SPOCK3: variants seen among roughly 807,000 people sequenced by gnomAD.
SPOCK3 encodes SPARC (osteonectin), cwcv and kazal like domains proteoglycan 3, also known as testican-3.
A neutral mutation model predicts 56.6 loss-of-function variants in SPOCK3; 30 were observed. The ratio of observed to expected loss-of-function variants is 0.53; its 90% CI spans 0.40 to 0.72. The LOEUF is 0.72. Ranked by LOEUF, SPOCK3 falls within the 30% of genes least tolerant of loss-of-function variation. SPOCK3 has a pLI of 0.00. For synonymous variants in SPOCK3, 196 were observed against 183.3 expected, an observed-to-expected ratio of 1.07 and a Z score of -0.56; for missense variants, 527 against 530.0, an observed-to-expected ratio of 0.99 and a Z score of 0.06.
chr4:166,814,719 G>A (rs916824775), intron 6 of SPOCK3, among the ~76,000 whole-genome samples: 12 of 152,062 alleles, frequency 7.9e-5, no homozygotes, highest in African/African-American at 2.9e-4. Flanking sequence ...GGTGGACTGA[G>A]CCACTACTGG....
intron 5 of SPOCK3, among the ~76,000 whole-genome samples, chr4:166,905,078 A>C (rs1471505468): frequency 6.6e-6 from 1 of 152,010 alleles, no homozygotes; most frequent in Non-Finnish European, 1.5e-5. Context: ...AGACATTATA[A>C]AAAAAGTCTT....
intron 2 of SPOCK3, among the ~76,000 whole-genome samples, chr4:167,159,466 G>A (rs941984931): frequency 1.1e-4 from 17 of 152,062 alleles, no homozygotes; most frequent in African/African-American, 2.9e-4. Context: ...AAGACACAGA[G>A]AGGACCTGGT....
intron 2 of SPOCK3, among the ~76,000 whole-genome samples, chr4:167,210,858 C>G (rs906209445): frequency 6.6e-6 from 1 of 152,132 alleles, no homozygotes; most frequent in Admixed American, 6.6e-5. Context: ...TATGCAAACA[C>G]ATTTTTAATT....
intron 4 of SPOCK3, among the ~76,000 whole-genome samples, chr4:166,921,238 G>A (rs1738444809): frequency 6.6e-6 from 1 of 151,936 alleles, no homozygotes; most frequent in Non-Finnish European, 1.5e-5. Flanking sequence ...TTAAAAGGCA[G>A]CCTAATATTT....
At position 166,735,074 on chromosome 4, in the gene SPOCK3, G is replaced by T. The variant is rs746969571; in HGVS notation, c.1149C>A (p.Ile383=). The T allele has an allele frequency of 1.2e-6, 2 of 1,602,700 alleles. No homozygotes were observed. Among genetic ancestry groups the T allele is most frequent in the African/African-American group, 1.3e-5 (1 of 74,418 alleles). Residue 383 remains isoleucine, a synonymous_variant, in exon 11 of 11, where the codon ATC becomes ATA. Transcript: ENST00000357545. The part of the protein sequence containing the change: ...GVADCAIDFE[I]SGDFASGDFH... ...AATCGCCACTAGCAAAATCTCCGGA[G>T]ATCTCAAAATCTATAGCTTAAAACA...
At chr4:167,201,134 T>C (rs1375337169) in intron 2 of SPOCK3, among the ~76,000 whole-genome samples, 1 of 151,998 alleles carries the variant, frequency 6.6e-6, no homozygotes, top group Non-Finnish European at 1.5e-5. Context: ...ATTTAAGTTC[T>C]AAGAGAAAAG....
At chr4:166,997,863 G>T (rs553480494) in intron 4 of SPOCK3, among the ~76,000 whole-genome samples, 1 of 152,072 alleles carries the variant, frequency 6.6e-6, no homozygotes, top group Non-Finnish European at 1.5e-5. Context: ...AGGGAAGAAA[G>T]AATAAGTTGT....
chr4:166,982,240 G>T (rs887166289), intron 4 of SPOCK3, among the ~76,000 whole-genome samples: 2 of 152,164 alleles, frequency 1.3e-5, no homozygotes, highest in Non-Finnish European at 2.9e-5. Context: ...GGCTGCTGCC[G>T]CCATCAGTGT....
chr4:167,064,929 C>T (rs1320410175), intron 2 of SPOCK3, among the ~76,000 whole-genome samples: 1 of 149,956 alleles, frequency 6.7e-6, no homozygotes, highest in East Asian at 2.0e-4. Flanking sequence ...CTTTGGGCAA[C>T]ACCACGGACA....
chr4:167,062,458 A>G, intron 3 of SPOCK3, 34 bp downstream of exon 3: 2 of 1,502,044 alleles, frequency 1.3e-6, no homozygotes, highest in Non-Finnish European at 1.8e-6. Flanking sequence ...ATGAACATGT[A>G]AAGGTTTTTA....
At chr4:167,151,066 TG>T (rs1230124950) in intron 2 of SPOCK3, among the ~76,000 whole-genome samples, 1 of 152,226 alleles carries the variant, frequency 6.6e-6, no homozygotes, top group Admixed American at 6.5e-5. Context: ...TGATGTTTAC[TG>T]AGTTGGTTCT....
At chr4:167,167,941 G>A (rs552517581) in intron 2 of SPOCK3, among the ~76,000 whole-genome samples, 1 of 152,110 alleles carries the variant, frequency 6.6e-6, no homozygotes, top group Admixed American at 6.6e-5. Flanking sequence ...GAATCATGGG[G>A]GTGATTTCCC....
chr4:167,131,799 A>AT (rs1489347795), intron 2 of SPOCK3, among the ~76,000 whole-genome samples: 8 of 152,274 alleles, frequency 5.3e-5, no homozygotes, highest in African/African-American at 1.7e-4. Flanking sequence ...CTTGAATAGA[A>AT]TTTTTTTAAC....
intron 6 of SPOCK3, among the ~76,000 whole-genome samples, chr4:166,810,015 T>C (rs772691213): frequency 2.0e-5 from 3 of 152,098 alleles, no homozygotes; most frequent in Admixed American, 2.0e-4. Context: ...CAGTTTTAGG[T>C]TTACTTCATT....
At chr4:166,750,475 T>G (rs537619813) in intron 8 of SPOCK3, among the ~76,000 whole-genome samples, 1 of 152,124 alleles carries the variant, frequency 6.6e-6, no homozygotes, top group Non-Finnish European at 1.5e-5. Context: ...GCTTAAAAAC[T>G]GTATGAGAAT....
Position 166,841,869 on chromosome 4 carries a change from A to G in SPOCK3, c.589+47261T>C, listed in dbSNP as rs190744419. ...TGGGTTCTTGGTTGCACTGACTTCA[A>G]GAATGAAGCCGTGGACCCTTGCGAT... On this transcript the variant is annotated intron_variant, in intron 6 of 10. Transcript: ENST00000357545. Among the ~76,000 whole-genome samples, 362 of 152,306 alleles carry G rather than the reference A, an allele frequency of 2.4e-3. 10 individuals carry two copies. The highest frequency in any genetic ancestry group is 0.021 in the Admixed American group (321 of 15,300).
At chr4:166,863,157 A>G (rs529510998) in intron 6 of SPOCK3, among the ~76,000 whole-genome samples, 1 of 152,254 alleles carries the variant, frequency 6.6e-6, no homozygotes, top group South Asian at 2.1e-4. Flanking sequence ...TATCCAGCCA[A>G]ACTAAGCTTC....
At chr4:166,816,806 T>A (rs879027558) in intron 6 of SPOCK3, among the ~76,000 whole-genome samples, 1 of 151,980 alleles carries the variant, frequency 6.6e-6, no homozygotes, top group Admixed American at 6.6e-5. Context: ...ATTAAAAATC[T>A]CCTAGAAGAC....
intron 6 of SPOCK3, among the ~76,000 whole-genome samples, chr4:166,870,728 A>C (rs1472789490): frequency 1.3e-5 from 2 of 152,130 alleles, no homozygotes; most frequent in Non-Finnish European, 2.9e-5. Context: ...CATTGAATAG[A>C]TATGTTAGAA....
Sources: allele counts gnomAD v4.1 joint callset (sites outside exome capture counted in the v4.1 genomes callset), GRCh38; gene constraint gnomAD v4.1.1; transcripts MANE v1.5; gene names NCBI Gene and HGNC (gene_info 2026-07-23, HGNC 2026-07-21).